The following OR2C1 variants were observed in gnomAD, a reference collection of about 807,000 sequenced individuals.
The protein encoded by OR2C1 is olfactory receptor family 2 subfamily C member 1.
For synonymous variants in OR2C1, 209 were observed against 167.3 expected (o/e 1.25, Z -1.92); for missense variants, 468 against 388.3 (o/e 1.21, Z -1.73).
the OR2C1 span, among the ~76,000 whole-genome samples, chr16:3,325,496 TATATATATAC>T: frequency 2.1e-5 from 2 of 93,148 alleles, no homozygotes; most frequent in African/African-American, 7.7e-5. Context: ...TATATATATA[TATATATATAC>T]ACTTTAAAAA....
chr16:3,354,495 C>G (rs570013857), upstream of OR2C1, among the ~76,000 whole-genome samples: 56 of 152,266 alleles, frequency 3.7e-4, no homozygotes, highest in South Asian at 0.011. Flanking sequence ...TTTGTTTGCT[C>G]TACATTGACC....
chr16:3,332,577 C>T, the OR2C1 span, among the ~76,000 whole-genome samples: 5 of 152,056 alleles, frequency 3.3e-5, no homozygotes, highest in Admixed American at 1.3e-4. Flanking sequence ...TTATCAGCAC[C>T]CACATGTGAG....
chr16:3,333,987 TG>T, the OR2C1 span, among the ~76,000 whole-genome samples: 7 of 151,030 alleles, frequency 4.6e-5, no homozygotes, highest in African/African-American at 1.7e-4. Context: ...TTTGGGGTGG[TG>T]GGGGGACAGG....
rs143441168 is a variant in OR2C1, at chr16:3,356,528, G to A, written c.588G>A (p.Gln196=). ...CCTGTGGCGACACAAGTCTCAACCA[G>A]GCTGTGCTCAATGGTGTCTGCACCT... ...KLACGDTSLN[Q]AVLNGVCTFF... Residue 196 remains glutamine (Q), a synonymous_variant, in exon 1 of 1, where the codon CAG becomes CAA. Transcript: ENST00000304936. The A allele has an allele frequency of 8.1e-6, 13 of 1,614,012 alleles. No individual in the cohort carries two copies. The highest frequency in any genetic ancestry group is 1.7e-6 in the Non-Finnish European group (2 of 1,180,040).
At chr16:3,339,048 C>T in the OR2C1 span, among the ~76,000 whole-genome samples, 4 of 152,216 alleles carry the variant, frequency 2.6e-5, no homozygotes, top group African/African-American at 7.2e-5. Context: ...AACCACAAAT[C>T]GGCCTTTTGG....
At chr16:3,342,371 G>A in the OR2C1 span, among the ~76,000 whole-genome samples, 3 of 152,198 alleles carry the variant, frequency 2.0e-5, no homozygotes, top group South Asian at 2.1e-4. Context: ...AAATTAGGGG[G>A]AAATATTTGT....
chr16:3,350,126 G>A, the OR2C1 span, among the ~76,000 whole-genome samples: 3 of 136,482 alleles, frequency 2.2e-5, no homozygotes, highest in Non-Finnish European at 4.6e-5. Flanking sequence ...CAAGATCTCG[G>A]CTCACTGCAA....
chr16:3,324,775 A>G, the OR2C1 span, among the ~76,000 whole-genome samples: 1 of 152,134 alleles, frequency 6.6e-6, no homozygotes, highest in Non-Finnish European at 1.5e-5. Context: ...ACACGTATAT[A>G]TATGTACATA....
the OR2C1 span, among the ~76,000 whole-genome samples, chr16:3,335,880 C>T: frequency 6.6e-6 from 1 of 152,190 alleles, no homozygotes; most frequent in Admixed American, 6.5e-5. Context: ...AACTTCGCTT[C>T]TTCCTTTCTA....
chr16:3,352,397 G>A (rs530266281), upstream of OR2C1, among the ~76,000 whole-genome samples: 30 of 152,182 alleles, frequency 2.0e-4, 1 homozygote, highest in South Asian at 4.8e-3. Flanking sequence ...TTACAGGCGC[G>A]AGCCACCATG....
the OR2C1 span, among the ~76,000 whole-genome samples, chr16:3,349,439 A>G: frequency 5.9e-5 from 9 of 152,186 alleles, no homozygotes; most frequent in Non-Finnish European, 1.2e-4. Flanking sequence ...CTCCAGGGCC[A>G]GAAGAGCCCC....
At chr16:3,323,700 G>T in the OR2C1 span, 10 of 684,872 alleles carry the variant, frequency 1.5e-5, no homozygotes, top group South Asian at 1.5e-4. Context: ...AAGGCACGAG[G>T]TTTCATTTCT....
chr16:3,330,722 T>C, the OR2C1 span, among the ~76,000 whole-genome samples: 2 of 152,198 alleles, frequency 1.3e-5, no homozygotes, highest in Non-Finnish European at 2.9e-5. Context: ...CTAAGAACAT[T>C]TGAATTATTC....
At chr16:3,346,476 C>A in the OR2C1 span, among the ~76,000 whole-genome samples, 1 of 152,064 alleles carries the variant, frequency 6.6e-6, no homozygotes, top group East Asian at 1.9e-4. Flanking sequence ...TTGAGTGGGC[C>A]ACCCAGTGTT....
the OR2C1 span, among the ~76,000 whole-genome samples, chr16:3,324,089 C>T: frequency 6.6e-6 from 1 of 152,068 alleles, no homozygotes; most frequent in African/African-American, 2.4e-5. Context: ...CTTTACTGTT[C>T]ACAAAGACAA....
chr16:3,353,261 G>A (rs892152335), upstream of OR2C1, among the ~76,000 whole-genome samples: 2 of 151,764 alleles, frequency 1.3e-5, no homozygotes, highest in African/African-American at 4.8e-5. Context: ...GGAGGCTGAG[G>A]CGGGCAGATC....
the OR2C1 span, among the ~76,000 whole-genome samples, chr16:3,342,525 C>G: frequency 5.3e-5 from 8 of 152,066 alleles, no homozygotes; most frequent in Non-Finnish European, 1.2e-4. Flanking sequence ...CGAGACCAGT[C>G]AGGCCAACAT....
chr16:3,328,470 T>C, the OR2C1 span, among the ~76,000 whole-genome samples: 15 of 152,246 alleles, frequency 9.9e-5, no homozygotes, highest in Non-Finnish European at 1.6e-4. Flanking sequence ...CATTCATTCA[T>C]TCAACATTGG....
In OR2C1 at chr16:3,356,828, A is replaced by G; in HGVS notation, c.888A>G (p.Glu296=). The stretch of plus-strand genomic sequence containing the variant: ...TCATCTACACGCTGCGGAACATGGA[A>G]GTGAAGGGCGCACTGAGGAGGTTGC... ...NPLIYTLRNM[E]VKGALRRLLG... The change falls in exon 1 of 1, where the codon GAA becomes GAG. Residue 296 remains glutamate (E), a synonymous_variant. Coordinates refer to ENST00000304936, the MANE Select transcript of OR2C1 (RefSeq NM_012368.3). 1 of 1,613,194 alleles carries G rather than the reference A, an allele frequency of 6.2e-7. No individual in the cohort carries two copies. The highest frequency in any genetic ancestry group is 8.5e-7 in the Non-Finnish European group (1 of 1,179,394).
Sources: gnomAD v4.1 joint callset for allele counts (sites outside exome capture counted in the v4.1 genomes callset) on GRCh38, gnomAD v4.1.1 for gene constraint, MANE v1.5 for transcripts, NCBI Gene and HGNC (gene_info 2026-07-23, HGNC 2026-07-21) for gene names.